RABEP1: variants seen among roughly 807,000 people sequenced by gnomAD.
RABEP1 encodes rab GTPase-binding effector protein 1.
RABEP1 carries 51 observed loss-of-function variants against 123.4 expected under a neutral mutation model. That is an observed-to-expected ratio of 0.41 (90% CI 0.33 to 0.52). The LOEUF is 0.52. RABEP1 is among the 20% of genes least tolerant of loss of function. The pLI is 0.16. For missense variants in RABEP1, 888 were observed against 996.3 expected (o/e 0.89, Z 1.46); for synonymous variants, 347 against 355.2 (o/e 0.98, Z 0.26).
intron 1 of RABEP1, among the ~76,000 whole-genome samples, chr17:5,300,938 T>C (rs1164062903): frequency 6.6e-6 from 1 of 152,148 alleles, no homozygotes; most frequent in Non-Finnish European, 1.5e-5. Context: ...CCGGGCCCCA[T>C]CTCCAGAATT....
intron 5 of RABEP1, among the ~76,000 whole-genome samples, chr17:5,344,810 A>G (rs974332070): frequency 2.0e-5 from 3 of 150,678 alleles, no homozygotes; most frequent in African/African-American, 4.9e-5. Context: ...AAACAGGTAA[A>G]GTATAGCTAG....
At chr17:5,372,960 T>C (rs1319700950) in intron 12 of RABEP1, among the ~76,000 whole-genome samples, 1 of 152,044 alleles carries the variant, frequency 6.6e-6, no homozygotes, top group East Asian at 1.9e-4. Context: ...GTTTCACTGT[T>C]TTGCCCAGGC....
At chr17:5,320,594 AC>A (rs1451524681) in intron 2 of RABEP1, among the ~76,000 whole-genome samples, 1 of 152,248 alleles carries the variant, frequency 6.6e-6, no homozygotes, top group Non-Finnish European at 1.5e-5. Context: ...TAATGTAGAT[AC>A]ATGTAAGTTG....
chr17:5,332,546 G>GT (rs1375150782), intron 3 of RABEP1, among the ~76,000 whole-genome samples: 1 of 151,570 alleles, frequency 6.6e-6, no homozygotes. Flanking sequence ...ACATTGATGA[G>GT]CTTCAGCTAA....
rs937185311 is a variant in RABEP1 at position 5,385,131 on chromosome 17, T to C, written c.*1908T>C. 1 of 229,532 alleles carries C rather than the reference T, an allele frequency of 4.4e-6. No homozygotes were observed. The highest frequency in any genetic ancestry group is 2.2e-5 in the African/African-American group (1 of 45,166). 14.2% of individuals were successfully genotyped at this position (229,532 alleles called of 1,614,324 possible). The stretch of plus-strand genomic sequence containing the variant: ...TCTCTACTGTGGCAAATGCCAACTG[T>C]TGGAATTCACTTTATTGTAGAAAAA... On this transcript the variant is annotated 3_prime_UTR_variant, in exon 18 of 18. Transcript: ENST00000537505.
At chr17:5,374,274 G>C (rs1337042255) in intron 13 of RABEP1, among the ~76,000 whole-genome samples, 1 of 151,178 alleles carries the variant, frequency 6.6e-6, no homozygotes, top group Non-Finnish European at 1.5e-5. Flanking sequence ...CACCATGTTT[G>C]CCAGGCTGGT....
chr17:5,288,737 T>C (rs1008834353), intron 1 of RABEP1, among the ~76,000 whole-genome samples: 5 of 151,800 alleles, frequency 3.3e-5, no homozygotes, highest in Admixed American at 1.3e-4. Flanking sequence ...CAAGTCTTGC[T>C]GTGTTGCCCA....
intron 3 of RABEP1, among the ~76,000 whole-genome samples, chr17:5,333,871 A>G (rs1327661532): frequency 6.6e-6 from 1 of 152,176 alleles, no homozygotes; most frequent in Non-Finnish European, 1.5e-5. Flanking sequence ...TTCTAGAAGT[A>G]CCCAGCATAT....
In RABEP1 at chr17:5,285,015, G is replaced by A. The variant is rs866501228; in HGVS notation, c.34+2495G>A. 2.6e-5 allele frequency among the ~76,000 whole-genome samples: 4 copies of A among 151,756 alleles called. No homozygotes were observed. The East Asian group carries it at 5.8e-4, about 22-fold the overall frequency. On this transcript the variant is annotated intron_variant, in intron 1 of 17. Coordinates refer to ENST00000537505, the MANE Select transcript of RABEP1 (RefSeq NM_004703.6). Reference sequence around the variant, plus strand: ...TATTGTCTGTTTTTCATGGCCATATGGTAGATTAGGAAAATCGATTTGTGT... The same window carrying A: ...TATTGTCTGTTTTTCATGGCCATATAGTAGATTAGGAAAATCGATTTGTGT...
At chr17:5,354,568 A>G in intron 8 of RABEP1, 78 bp downstream of exon 8, 1 of 1,351,582 alleles carries the variant, frequency 7.4e-7, no homozygotes, top group Non-Finnish European at 1.0e-6. Context: ...AGTTAATTAC[A>G]TTGTTCATAT....
chr17:5,374,558 T>C (rs1597295962), intron 13 of RABEP1, among the ~76,000 whole-genome samples: 2 of 152,078 alleles, frequency 1.3e-5, no homozygotes, highest in East Asian at 3.8e-4. Context: ...TGCCTCAGCC[T>C]CCCGAGTAGC....
intron 11 of RABEP1, among the ~76,000 whole-genome samples, chr17:5,365,686 C>T (rs944388634): frequency 2.0e-5 from 3 of 152,186 alleles, no homozygotes; most frequent in Admixed American, 6.5e-5. Context: ...TCACTTTCCC[C>T]GCACTTACAA....
rs532664685 is a variant in RABEP1, at chr17:5,385,460, A to G, written c.*2237A>G. On this transcript the variant is annotated 3_prime_UTR_variant, in exon 18 of 18. Transcript: ENST00000537505. ...AATTGACAGTCACTCAGCCATTTCTAAGCAGATATAGTAGTACCTTTCAGA... is the reference window on the plus strand; with the variant it reads ...AATTGACAGTCACTCAGCCATTTCTGAGCAGATATAGTAGTACCTTTCAGA... 2 of 230,550 alleles carry G rather than the reference A, an allele frequency of 8.7e-6. No homozygotes were observed. Among genetic ancestry groups the G allele is most frequent in the African/African-American group, 4.4e-5 (2 of 45,300 alleles). The allele number at this position is 230,550 out of a possible 1,614,324, so 14.3% of individuals were successfully genotyped here. A position where few individuals can be genotyped will look rare whatever the true frequency, so the allele number is the denominator to read the frequency against.
At chr17:5,331,333 TG>T (rs1906524545) in intron 2 of RABEP1, among the ~76,000 whole-genome samples, 1 of 152,146 alleles carries the variant, frequency 6.6e-6, no homozygotes, top group African/African-American at 2.4e-5. Flanking sequence ...GTTAAGGGTA[TG>T]GGAAAACAAT....
At chr17:5,319,355 A>C (rs550385504) in intron 2 of RABEP1, among the ~76,000 whole-genome samples, 5,552 of 115,280 alleles carry the variant, frequency 0.048, 135 homozygotes, top group Middle Eastern at 0.1. Flanking sequence ...AAAAACAAAA[A>C]AAAAAAACAT....
chr17:5,384,827 T>A lies in RABEP1; in HGVS notation c.*1604T>A, dbSNP rs957320998. The A allele has an allele frequency of 4.6e-6, 1 of 217,018 alleles. No individual in the cohort carries two copies. Among genetic ancestry groups the A allele is most frequent in the Non-Finnish European group, 9.2e-6 (1 of 108,276 alleles). The allele number at this position is 217,018 out of a possible 1,614,324, so 13.4% of individuals were successfully genotyped here. A position where few individuals can be genotyped will look rare whatever the true frequency, so the allele number is the denominator to read the frequency against. ...ACATGGTTTAGATAAAGGAAACATA[T>A]AACTATTGAGTTACAGGGGATTTTA... On this transcript the variant is annotated 3_prime_UTR_variant, in exon 18 of 18. Transcript: ENST00000537505.
At position 5,383,480 on chromosome 17, in the gene RABEP1, G is replaced by T; in HGVS notation, c.*257G>T. 1 of 414,372 alleles carries T rather than the reference G, an allele frequency of 2.4e-6. No individual in the cohort carries two copies. The allele number at this position is 414,372 out of a possible 1,614,324, so 25.7% of individuals were successfully genotyped here. ...TTCCAACAGGCGTGGGATCAGATTT[G>T]GTGATGGAAAAAGCGCTGTTTCCTT... On this transcript the variant is annotated 3_prime_UTR_variant, in exon 18 of 18. Coordinates refer to ENST00000537505, the MANE Select transcript of RABEP1 (RefSeq NM_004703.6).
chr17:5,359,762 G>C (rs1271612154), intron 8 of RABEP1, among the ~76,000 whole-genome samples: 1 of 152,066 alleles, frequency 6.6e-6, no homozygotes, highest in East Asian at 1.9e-4. Flanking sequence ...ATTTAAAACA[G>C]GGCGTTTAAC....
At chr17:5,375,165 T>TA (rs1479999059) in intron 13 of RABEP1, among the ~76,000 whole-genome samples, 1 of 151,028 alleles carries the variant, frequency 6.6e-6, no homozygotes, top group Non-Finnish European at 1.5e-5. Flanking sequence ...AATTATACCC[T>TA]ACAGATTCAA....
Sources: allele counts gnomAD v4.1 joint callset (sites outside exome capture counted in the v4.1 genomes callset), GRCh38; gene constraint gnomAD v4.1.1; transcripts MANE v1.5; gene names NCBI Gene and HGNC (gene_info 2026-07-23, HGNC 2026-07-21).